The following FKBP6 variants were observed in gnomAD, a reference collection of about 807,000 sequenced individuals.
FKBP6 encodes the protein FKBP prolyl isomerase family member 6 (inactive).
In FKBP6, 29 loss-of-function variants were observed where a neutral mutation model predicts 41.7. The observed-to-expected ratio is 0.70, with a 90% CI of 0.52 to 0.95. FKBP6 has a LOEUF of 0.95. Ranked by LOEUF, FKBP6 falls within the 40% of genes least tolerant of loss-of-function variation. The probability of loss-of-function intolerance (pLI) is 0.00; values close to 1 mark genes in which losing one functional copy is unlikely to be tolerated. For missense variants in FKBP6, 338 were observed against 408.7 expected (o/e 0.83, Z 1.49); for synonymous variants, 130 against 165.1 (o/e 0.79, Z 1.63).
intron 5 of FKBP6, chr7:73,336,649 G>A (rs1805013058): frequency 2.3e-6 from 1 of 430,202 alleles, no homozygotes. Context: ...GCTACAAACA[G>A]GGGTCCACCT....
chr7:73,353,484 C>A (rs904411334), intron 8 of FKBP6, among the ~76,000 whole-genome samples: 17 of 152,168 alleles, frequency 1.1e-4, no homozygotes, highest in Admixed American at 9.2e-4. Context: ...TCCTGACAGC[C>A]GTCTTTCAGA....
chr7:73,330,665 G>A (rs781824859), intron 4 of FKBP6, among the ~76,000 whole-genome samples: 6 of 152,190 alleles, frequency 3.9e-5, no homozygotes, highest in Non-Finnish European at 8.8e-5. Flanking sequence ...TCATCGTTTG[G>A]TTTCCAGCAA....
chr7:73,355,574 CAAA>C (rs1805606972), intron 8 of FKBP6, among the ~76,000 whole-genome samples: 1 of 151,380 alleles, frequency 6.6e-6, no homozygotes, highest in Admixed American at 6.6e-5. Context: ...CACCCTAGAT[CAAA>C]ACTTTCTTTT....
intron 5 of FKBP6, among the ~76,000 whole-genome samples, chr7:73,335,261 AAG>A (rs527731482): frequency 1.3e-5 from 2 of 152,204 alleles, no homozygotes; most frequent in East Asian, 3.8e-4. Flanking sequence ...TAAGATTTAA[AAG>A]AGACATCACA....
intron 8 of FKBP6, among the ~76,000 whole-genome samples, chr7:73,346,763 C>T (rs535479123): frequency 1.3e-5 from 2 of 152,290 alleles, no homozygotes; most frequent in South Asian, 4.1e-4. Context: ...GGCCTCCCAT[C>T]TGGAACTGAC....
chr7:73,353,458 G>C (rs76996339), intron 8 of FKBP6, among the ~76,000 whole-genome samples: 1 of 152,198 alleles, frequency 6.6e-6, no homozygotes, highest in South Asian at 2.1e-4. Context: ...AATCCTTTCC[G>C]TCCCAGATGA....
At chr7:73,342,965 C>G (rs1180653859) in intron 8 of FKBP6, 66 bp downstream of exon 8, 6 of 1,066,914 alleles carry the variant, frequency 5.6e-6, no homozygotes, top group East Asian at 4.7e-5. Flanking sequence ...TCCTCCACCC[C>G]CAAGTGAATG....
intron 8 of FKBP6, among the ~76,000 whole-genome samples, chr7:73,350,490 A>C (rs938056793): frequency 6.6e-6 from 1 of 152,064 alleles, no homozygotes; most frequent in Non-Finnish European, 1.5e-5. Flanking sequence ...GTGACCCCGA[A>C]GCGGCCATGC....
chr7:73,349,504 C>T (rs1192748405), intron 8 of FKBP6, among the ~76,000 whole-genome samples: 1 of 148,210 alleles, frequency 6.7e-6, no homozygotes, highest in Non-Finnish European at 1.5e-5. Context: ...AAGATCGAGA[C>T]CATCCTGGCC....
At chr7:73,354,895 C>T (rs911130116) in intron 8 of FKBP6, among the ~76,000 whole-genome samples, 4 of 152,122 alleles carry the variant, frequency 2.6e-5, no homozygotes, top group Admixed American at 2.6e-4. Flanking sequence ...GGCTGGCACA[C>T]GACACCCACC....
chr7:73,347,156 T>C (rs1378618302), intron 8 of FKBP6, among the ~76,000 whole-genome samples: 2 of 152,270 alleles, frequency 1.3e-5, no homozygotes, highest in African/African-American at 4.8e-5. Flanking sequence ...GTTGTTTTGC[T>C]AGTATTGCCT....
intron 8 of FKBP6, among the ~76,000 whole-genome samples, chr7:73,353,814 A>G (rs1245530641): frequency 1.3e-5 from 2 of 151,496 alleles, no homozygotes; most frequent in African/African-American, 4.9e-5. Flanking sequence ...GCTCACTGCA[A>G]CCTCTGCTTC....
At chr7:73,358,114 T>G (rs1012270998) in intron 8 of FKBP6, 67 bp from the exon 9 acceptor site, 1 of 151,980 alleles carries the variant, frequency 6.6e-6, no homozygotes, top group South Asian at 2.1e-4. Context: ...CCTCAGCACA[T>G]GTGACTGTGA....
chr7:73,329,196 C>T (rs1554547038), intron 2 of FKBP6, among the ~76,000 whole-genome samples, 164 bp from the exon 3 acceptor site: 1 of 152,124 alleles, frequency 6.6e-6, no homozygotes, highest in East Asian at 1.9e-4. Flanking sequence ...AGCCAAAGGG[C>T]CGGCACCCAA....
chr7:73,357,208 G>A (rs551759413), intron 8 of FKBP6, among the ~76,000 whole-genome samples: 1 of 151,872 alleles, frequency 6.6e-6, no homozygotes, highest in East Asian at 1.9e-4. Context: ...GCTGACTTTG[G>A]CTGAGCTGTA....
intron 8 of FKBP6, among the ~76,000 whole-genome samples, chr7:73,351,303 T>A (rs1451180092): frequency 6.6e-6 from 1 of 152,196 alleles, no homozygotes; most frequent in Non-Finnish European, 1.5e-5. Flanking sequence ...GTGCTGGGAT[T>A]ACAGGCGTGA....
At position 73,328,443 on chromosome 7, in the gene FKBP6, G is replaced by A; in HGVS notation, c.15G>A (p.Ala5=). 3.2e-6 allele frequency: 5 copies of A among 1,553,718 alleles called. No homozygotes were observed. Among genetic ancestry groups the A allele is most frequent in the African/African-American group, 1.4e-5 (1 of 73,552 alleles). Residue 5 remains alanine, a synonymous_variant, in exon 1 of 9, where the codon GCG becomes GCA. Transcript: ENST00000252037. The part of the protein sequence containing the change: MGGS[A]LNQGVLEGDD... ...GCAGCTAGGACATGGGGGGAAGCGC[G>A]TTAAACCAGGGAGTCCTGGAAGGGG...
intron 8 of FKBP6, among the ~76,000 whole-genome samples, chr7:73,343,449 A>T (rs1805252316): frequency 6.6e-6 from 1 of 152,126 alleles, no homozygotes. Context: ...TGACGTGTCA[A>T]GCTTCTGTTC....
chr7:73,340,385 T>C (rs1254057544), intron 5 of FKBP6, among the ~76,000 whole-genome samples: 1 of 152,192 alleles, frequency 6.6e-6, no homozygotes, highest in East Asian at 1.9e-4. Context: ...GGCATGGTGG[T>C]GCACACCTGT....
Sources: allele counts gnomAD v4.1 joint callset (sites outside exome capture counted in the v4.1 genomes callset), GRCh38; gene constraint gnomAD v4.1.1; transcripts MANE v1.5; gene names NCBI Gene and HGNC (gene_info 2026-07-23, HGNC 2026-07-21).